NLRP2: variants seen among roughly 807,000 people sequenced by gnomAD.
NLRP2 encodes the protein NLR family pyrin domain containing 2, also known as NACHT, LRR and PYD domains-containing protein 2.
Under a neutral mutation model 97.2 loss-of-function variants are expected in NLRP2, and 107 were observed. The observed-to-expected ratio is 1.10, with a 90% confidence interval of 0.94 to 1.29. The LOEUF (loss-of-function observed/expected upper bound fraction) is 1.29, where lower values mean the gene tolerates loss of function less well. Among genes scored for constraint, NLRP2 ranks in the 50% most tolerant of loss-of-function variants. The pLI, the probability that NLRP2 is intolerant of heterozygous loss-of-function variation, is 0.00. For synonymous variants in NLRP2, 663 were observed against 551.5 expected (o/e 1.20, Z -2.83); for missense variants, 1,495 against 1,330.3 (o/e 1.12, Z -1.93).
rs2073152533 is a variant in NLRP2 at position 55,000,876 on chromosome 19, C to G, written c.3167C>G (p.Ser1056Cys). 6.2e-7 allele frequency: 1 copy of G among 1,613,692 alleles called. No homozygotes were observed. Among genetic ancestry groups the G allele is most frequent in the East Asian group, 2.2e-5 (1 of 44,874 alleles). The change falls in exon 13 of 13, where the codon TCT becomes TGT. Residue 1056 changes from serine (S) to cysteine (C), a missense_variant. Transcript: ENST00000448584. ...EKHHPWAERP[S>C]SHDFMI Reference sequence around the variant, plus strand: ...CATCATCCCTGGGCAGAAAGGCCTTCTTCTCATGACTTCATGATCTGAATC... The same window carrying G: ...CATCATCCCTGGGCAGAAAGGCCTTGTTCTCATGACTTCATGATCTGAATC...
chr19:54,984,437 C>T (rs1207491681), intron 6 of NLRP2, among the ~76,000 whole-genome samples: 2 of 139,250 alleles, frequency 1.4e-5, no homozygotes, highest in Non-Finnish European at 3.0e-5. Flanking sequence ...ACCACACGCC[C>T]TGCCTGAATA....
At chr19:54,966,514 C>T (rs2070421452) in intron 1 of NLRP2, 47 bp downstream of exon 1, 2 of 152,238 alleles carry the variant, frequency 1.3e-5, no homozygotes, top group African/African-American at 2.4e-5. Context: ...TTTATTTCTC[C>T]ATTCCACAGT....
intron 3 of NLRP2, among the ~76,000 whole-genome samples, chr19:54,975,699 G>A (rs183730347): frequency 0.029 from 4,431 of 151,968 alleles, 220 homozygotes; most frequent in African/African-American, 0.1. Context: ...TGATCCGCCC[G>A]CCTCGGCCTC....
chr19:54,993,861 G>C, intron 10 of NLRP2: 1 of 299,940 alleles, frequency 3.3e-6, no homozygotes, highest in South Asian at 3.5e-5. Context: ...AACTTCTGTT[G>C]GCCACCTGCA....
At chr19:54,989,295 A>T (rs2072303975) in intron 8 of NLRP2, among the ~76,000 whole-genome samples, 1 of 151,292 alleles carries the variant, frequency 6.6e-6, no homozygotes, top group Non-Finnish European at 1.5e-5. Context: ...ACATGGTAAA[A>T]CCCCATCTCT....
chr19:54,998,555 A>G (rs56720508), intron 12 of NLRP2, among the ~76,000 whole-genome samples: 44,384 of 109,240 alleles, frequency 0.41, 7,256 homozygotes, highest in Middle Eastern at 0.55. Flanking sequence ...TTGTTTGTTT[A>G]TTTATTATTT....
intron 4 of NLRP2, among the ~76,000 whole-genome samples, chr19:54,978,784 T>G (rs1165347654): frequency 2.7e-5 from 4 of 149,246 alleles, no homozygotes; most frequent in African/African-American, 9.9e-5. Flanking sequence ...GAGGTGGAGG[T>G]TGCAGTGAGC....
At chr19:54,983,875 G>A in intron 6 of NLRP2, 147 bp downstream of exon 6, 1 of 1,263,322 alleles carries the variant, frequency 7.9e-7, no homozygotes, top group Non-Finnish European at 1.1e-6. Context: ...TTTTGAGATG[G>A]AGTCTTGCTC....
Position 54,982,751 on chromosome 19 carries a change from G to T in NLRP2, c.1053G>T (p.Pro351=), listed in dbSNP as rs199475714. Residue 351 remains proline, a synonymous_variant, in exon 6 of 13, where the codon CCG becomes CCT. Transcript: ENST00000448584. ...LRDLRILAEE[P]IYIRVEGFLE... is the part of the protein sequence containing the mutation. ...ACCTCCGGATCCTGGCGGAGGAGCC[G>T]ATCTACATAAGGGTGGAGGGCTTCC... 3 of 1,614,028 alleles carry T rather than the reference G, an allele frequency of 1.9e-6. No individual in the cohort carries two copies. The African/African-American group carries it at 4.0e-5, about 22-fold the overall frequency.
At position 54,982,603 on chromosome 19, in the gene NLRP2, A is replaced by G. The variant is rs761378450; in HGVS notation, c.905A>G (p.Glu302Gly). The G allele has an allele frequency of 5.6e-6, 9 of 1,614,128 alleles. No individual in the cohort carries two copies. Among genetic ancestry groups the G allele is most frequent in the Non-Finnish European group, 7.6e-6 (9 of 1,180,020 alleles). ...ELGAAPGALI[E>G]DICGDWEKKK... Reference sequence around the variant, plus strand: ...GGAGCCGCACCTGGGGCGCTGATCGAGGACATCTGCGGGGACTGGGAGAAG... The same window carrying G: ...GGAGCCGCACCTGGGGCGCTGATCGGGGACATCTGCGGGGACTGGGAGAAG... The change falls in exon 6 of 13, where the codon GAG becomes GGG. Residue 302 changes from glutamate to glycine, a missense_variant. By Grantham distance (98) the Glu-to-Gly change is moderately conservative (BLOSUM62 -2). Transcript: ENST00000448584.
Position 54,983,024 on chromosome 19 carries a change from G to C in NLRP2, c.1326G>C (p.Gln442His), listed in dbSNP as rs750192301. ...FLCSRFPQGAQLRGALRTLSL... is the reference protein window; with the variant it reads ...FLCSRFPQGAHLRGALRTLSL... ...GCAGCCGGTTCCCGCAGGGCGCACA[G>C]CTGCGGGGCGCGCTGCGGACGCTGA... The change falls in exon 6 of 13, where the codon CAG becomes CAC. Residue 442 changes from glutamine (Q) to histidine (H), a missense_variant. Coordinates refer to ENST00000448584, the MANE Select transcript of NLRP2 (RefSeq NM_017852.5). The C allele has an allele frequency of 2.0e-5, 33 of 1,610,654 alleles. No homozygotes were observed. Among genetic ancestry groups the C allele is most frequent in the Non-Finnish European group, 2.8e-5 (33 of 1,179,222 alleles).
At chr19:54,989,076 G>T (rs747093555) in intron 8 of NLRP2, among the ~76,000 whole-genome samples, 45 of 151,908 alleles carry the variant, frequency 3.0e-4, no homozygotes, top group Non-Finnish European at 6.2e-4. Context: ...TCTTGCCTCA[G>T]CCTCCTGAGT....
Position 54,994,453 on chromosome 19 carries a change from T to A in NLRP2, c.2879+14T>A, listed in dbSNP as rs747967401. The A allele has an allele frequency of 3.7e-5, 60 of 1,611,814 alleles. 2 individuals are homozygous for A. In the South Asian group the frequency reaches 6.4e-4, roughly 17 times the overall value. On this transcript the variant is annotated intron_variant, in intron 11 of 12. Transcript: ENST00000448584. ...GAGATGTCTGTGGTGAGTTAACTTA[T>A]AAGTTCAACTTCCTATACTTACACC...
At chr19:54,996,733 A>G (rs2146548590) in intron 11 of NLRP2, among the ~76,000 whole-genome samples, 2 of 151,936 alleles carry the variant, frequency 1.3e-5, no homozygotes, top group South Asian at 4.2e-4. Flanking sequence ...GCCTCTGCAC[A>G]AGCTATTTCT....
chr19:54,994,186 C>G lies in NLRP2; in HGVS notation c.2709-83C>G, dbSNP rs1025496309. On this transcript the variant is annotated intron_variant, in intron 10 of 12. Transcript: ENST00000448584. ...ACCACTGTCTCTAAGTGTGTCTAACCCACGGCTCAAGAGTCAAAGGTGCAT... is the reference window on the plus strand; with the variant it reads ...ACCACTGTCTCTAAGTGTGTCTAACGCACGGCTCAAGAGTCAAAGGTGCAT... 6 of 1,434,882 alleles carry G rather than the reference C, an allele frequency of 4.2e-6. No individual in the cohort carries two copies. The African/African-American group carries it at 7.0e-5, about 17-fold the overall frequency. 88.9% of individuals were successfully genotyped at this position (1,434,882 alleles called of 1,614,324 possible).
In NLRP2 at chr19:54,994,171, C is replaced by A. The variant is rs575540208; in HGVS notation, c.2709-98C>A. On this transcript the variant is annotated intron_variant, in intron 10 of 12. Transcript: ENST00000448584. ...TTCCATTTCCATGTCACCACTGTCTCTAAGTGTGTCTAACCCACGGCTCAA... is the reference window on the plus strand; with the variant it reads ...TTCCATTTCCATGTCACCACTGTCTATAAGTGTGTCTAACCCACGGCTCAA... 3.9e-4 allele frequency: 486 copies of A among 1,258,768 alleles called. 7 individuals carry two copies. In the South Asian group the frequency reaches 5.4e-3, roughly 14 times the overall value. The allele number at this position is 1,258,768 out of a possible 1,614,324, so 78.0% of individuals were successfully genotyped here.
At chr19:54,989,439 T>A in intron 8 of NLRP2, 1 of 161,928 alleles carries the variant, frequency 6.2e-6, no homozygotes, top group South Asian at 1.7e-4. Flanking sequence ...GCCACTACAC[T>A]CCAGCCAGGG....
At position 55,000,919 on chromosome 19, in the gene NLRP2, C is replaced by T; in HGVS notation, c.*21C>T. The T allele has an allele frequency of 1.2e-6, 2 of 1,612,644 alleles. No homozygotes were observed. Among genetic ancestry groups the T allele is most frequent in the Non-Finnish European group, 1.7e-6 (2 of 1,179,016 alleles). On this transcript the variant is annotated 3_prime_UTR_variant, in exon 13 of 13. Transcript: ENST00000448584. Reference sequence around the variant, plus strand: ...TCTGAATCCCCCCGAGTCATTCATTCTCCATGAAGTCATCGATTTTCCAGG... The same window carrying T: ...TCTGAATCCCCCCGAGTCATTCATTTTCCATGAAGTCATCGATTTTCCAGG...
rs1157138794 is a variant in NLRP2 at position 55,000,270 on chromosome 19, C to CTTTTTTTTTTTTTTTTTTT, written c.3051-469_3051-451dup. On this transcript the variant is annotated intron_variant, in intron 12 of 12. Coordinates refer to ENST00000448584, the MANE Select transcript of NLRP2 (RefSeq NM_017852.5). The stretch of plus-strand genomic sequence containing the variant: ...CCAGCTTGGGCAACAGAGAGACTGT[C>CTTTTTTTTTTTTTTTTTTT]TTTTTTTTTTTTTTTTTTTTTTTTT... Among the ~76,000 whole-genome samples, 2 of 36,026 alleles carry CTTTTTTTTTTTTTTTTTTT rather than the reference C, an allele frequency of 5.6e-5. 1 individual carries two copies. Among genetic ancestry groups the CTTTTTTTTTTTTTTTTTTT allele is most frequent in the Non-Finnish European group, 9.7e-5 (2 of 20,646 alleles). 23.6% of individuals were successfully genotyped at this position (36,026 alleles called of 152,430 possible).
Sources: gnomAD v4.1 joint callset for allele counts (sites outside exome capture counted in the v4.1 genomes callset) on GRCh38, gnomAD v4.1.1 for gene constraint, MANE v1.5 for transcripts, NCBI Gene and HGNC (gene_info 2026-07-23, HGNC 2026-07-21) for gene names.